The following BABAM2 variants were observed in gnomAD, a reference collection of about 807,000 sequenced individuals.
BABAM2 encodes the protein BRISC and BRCA1 A complex member 2.
Under a neutral mutation model 54.7 loss-of-function variants are expected in BABAM2, and 31 were observed. The ratio of observed to expected loss-of-function variants is 0.57; its 90% CI spans 0.43 to 0.77. The LOEUF is 0.77. Ranked by LOEUF, BABAM2 falls within the 30% of genes least tolerant of loss-of-function variation. BABAM2 has a pLI of 0.00. For missense variants in BABAM2, 364 were observed against 455.8 expected (o/e 0.80, Z 1.83); for synonymous variants, 167 against 162.9 (o/e 1.03, Z -0.19).
chr2:28,157,747 G>T (rs894326570), intron 7 of BABAM2, among the ~76,000 whole-genome samples: 1 of 152,148 alleles, frequency 6.6e-6, no homozygotes, highest in Non-Finnish European at 1.5e-5. Context: ...GAGTAGCTGG[G>T]ATTACAGGCA....
At chr2:28,026,975 T>A (rs1487661059) in intron 5 of BABAM2, among the ~76,000 whole-genome samples, 1 of 106,798 alleles carries the variant, frequency 9.4e-6, no homozygotes, top group African/African-American at 3.9e-5. Context: ...TATATAAATA[T>A]ATAAATATAT....
In BABAM2 at chr2:27,912,375, T is replaced by G. The variant is rs1666663444; in HGVS notation, c.129-17457T>G. Among the ~76,000 whole-genome samples the G allele has an allele frequency of 2.0e-5, 3 of 152,306 alleles. No individual in the cohort carries two copies. In the South Asian group the frequency reaches 6.2e-4, roughly 32 times the overall value. On this transcript the variant is annotated intron_variant, in intron 2 of 11. Coordinates refer to ENST00000379624, the MANE Select transcript of BABAM2 (RefSeq NM_199191.3). ...ATTTCTTACAGCACAGCACAATGTATTTAATTTTTAAAGAATAGTATTTAT... is the reference window on the plus strand; with the variant it reads ...ATTTCTTACAGCACAGCACAATGTAGTTAATTTTTAAAGAATAGTATTTAT...
At chr2:28,321,392 C>T (rs935877675) in intron 11 of BABAM2, among the ~76,000 whole-genome samples, 1 of 152,180 alleles carries the variant, frequency 6.6e-6, no homozygotes, top group African/African-American at 2.4e-5. Context: ...CACAGAATGA[C>T]ACCAGGAGGT....
chr2:28,157,675 G>A (rs750585830), intron 7 of BABAM2, among the ~76,000 whole-genome samples: 1 of 152,130 alleles, frequency 6.6e-6, no homozygotes. Context: ...GCAATGGCGC[G>A]ATCTCGGCTC....
chr2:27,969,831 G>C (rs1671079087), intron 3 of BABAM2, among the ~76,000 whole-genome samples: 1 of 152,198 alleles, frequency 6.6e-6, no homozygotes, highest in Admixed American at 6.5e-5. Flanking sequence ...ATATACCGCA[G>C]TTGATATGGT....
intron 6 of BABAM2, among the ~76,000 whole-genome samples, chr2:28,082,644 A>G (rs1255180808): frequency 2.0e-5 from 3 of 152,172 alleles, no homozygotes; most frequent in Non-Finnish European, 4.4e-5. Flanking sequence ...AAGGAATTGG[A>G]TGGTTGCTAT....
chr2:28,127,083 G>C (rs973487745), intron 6 of BABAM2, among the ~76,000 whole-genome samples: 3 of 152,092 alleles, frequency 2.0e-5, no homozygotes, highest in Admixed American at 6.5e-5. Flanking sequence ...CTCTGATTTT[G>C]TAGGTTGCCT....
At chr2:28,038,611 C>T (rs1230619527) in intron 5 of BABAM2, among the ~76,000 whole-genome samples, 2 of 152,140 alleles carry the variant, frequency 1.3e-5, no homozygotes, top group African/African-American at 4.8e-5. Flanking sequence ...TTAGCTCCCA[C>T]TTATAAGTGA....
At chr2:28,297,012 A>C (rs1210866668) in intron 10 of BABAM2, among the ~76,000 whole-genome samples, 3 of 152,078 alleles carry the variant, frequency 2.0e-5, no homozygotes, top group Non-Finnish European at 2.9e-5. Flanking sequence ...GTATTTTTAA[A>C]TATATCTTCC....
intron 6 of BABAM2, among the ~76,000 whole-genome samples, chr2:28,077,941 G>A (rs955407912): frequency 5.3e-5 from 8 of 152,102 alleles, no homozygotes; most frequent in African/African-American, 1.7e-4. Flanking sequence ...AGATGTTTGC[G>A]CCATTTACAG....
chr2:27,974,848 G>A (rs369963524), intron 3 of BABAM2, among the ~76,000 whole-genome samples: 6 of 151,954 alleles, frequency 3.9e-5, no homozygotes, highest in East Asian at 1.9e-4. Context: ...AAATCCCAAC[G>A]CATATTCAAA....
intron 7 of BABAM2, among the ~76,000 whole-genome samples, chr2:28,192,276 T>C (rs1676998987): frequency 1.3e-5 from 2 of 152,066 alleles, no homozygotes; most frequent in African/African-American, 4.8e-5. Context: ...CCTCGTGATC[T>C]GCCTGCCTCG....
chr2:28,089,019 G>A (rs1013893414), intron 6 of BABAM2, among the ~76,000 whole-genome samples: 1 of 151,820 alleles, frequency 6.6e-6, no homozygotes, highest in Admixed American at 6.6e-5. Flanking sequence ...AAAAGATATT[G>A]TAAAAGTAGT....
chr2:28,314,367 C>G (rs545715417), intron 11 of BABAM2, among the ~76,000 whole-genome samples: 6 of 152,270 alleles, frequency 3.9e-5, no homozygotes, highest in African/African-American at 1.4e-4. Flanking sequence ...CCTTGGCTTT[C>G]CCAACTTTTA....
chr2:27,941,818 T>C (rs1668911108), intron 3 of BABAM2, among the ~76,000 whole-genome samples: 2 of 152,174 alleles, frequency 1.3e-5, no homozygotes, highest in South Asian at 2.1e-4. Flanking sequence ...AATTTAAATA[T>C]ATATTTTTTG....
At chr2:28,187,911 G>GCCCACCT (rs2147908739) in intron 7 of BABAM2, among the ~76,000 whole-genome samples, 1 of 152,116 alleles carries the variant, frequency 6.6e-6, no homozygotes, top group East Asian at 1.9e-4. Flanking sequence ...CAGGCGATCT[G>GCCCACCT]CCCACCTCGG....
At chr2:28,277,550 A>C (rs548427844) in intron 10 of BABAM2, among the ~76,000 whole-genome samples, 1 of 152,336 alleles carries the variant, frequency 6.6e-6, no homozygotes, top group South Asian at 2.1e-4. Flanking sequence ...TACTTCACAA[A>C]GATGTATAAT....
At chr2:28,140,808 T>C (rs1670979729) in intron 7 of BABAM2, among the ~76,000 whole-genome samples, 1 of 152,216 alleles carries the variant, frequency 6.6e-6, no homozygotes, top group Non-Finnish European at 1.5e-5. Flanking sequence ...TATACATATG[T>C]ATACATATGC....
intron 4 of BABAM2, among the ~76,000 whole-genome samples, chr2:28,014,912 T>C (rs1365814616): frequency 6.6e-6 from 1 of 152,206 alleles, no homozygotes; most frequent in Non-Finnish European, 1.5e-5. Context: ...GTTCAGAAAG[T>C]ACCAGTGTCT....
Sources: gnomAD v4.1 joint callset for allele counts (sites outside exome capture counted in the v4.1 genomes callset) on GRCh38, gnomAD v4.1.1 for gene constraint, MANE v1.5 for transcripts, NCBI Gene and HGNC (gene_info 2026-07-23, HGNC 2026-07-21) for gene names.